Variants in PPP2R3B observed in about 807,000 individuals in gnomAD.
The protein encoded by PPP2R3B is serine/threonine-protein phosphatase 2A regulatory subunit B'' subunit beta.
Under a neutral mutation model 72.9 loss-of-function variants are expected in PPP2R3B, and 68 were observed. The ratio of observed to expected loss-of-function variants is 0.93; its 90% CI spans 0.77 to 1.14. The LOEUF (loss-of-function observed/expected upper bound fraction) is 1.14. Ranked by LOEUF, PPP2R3B falls within the 50% of genes most tolerant of loss-of-function variation. The pLI is 0.00. For synonymous variants in PPP2R3B, 466 were observed against 375.8 expected, an observed-to-expected ratio of 1.24 and a Z score of -2.78; for missense variants, 1,018 against 842.0, an observed-to-expected ratio of 1.21 and a Z score of -2.59.
intron 12 of PPP2R3B, 102 bp downstream of exon 12, chrX:338,502 T>A (rs2070951375): frequency 8.4e-7 from 1 of 1,186,012 alleles, no homozygotes; most frequent in Non-Finnish European, 1.2e-6. Context: ...TGACCCCGCA[T>A]CCCCCGGCTG....
In PPP2R3B at chrX:334,484, CT is replaced by C. The variant is rs1275339592; in HGVS notation, c.1610del (p.Lys537SerfsTer2). Reference protein sequence around the residue: ...FEAELSPVEQKLSALRSPLAQ... With the variant: ...FEAELSPVEQXLSALRSPLAQ... The stretch of plus-strand genomic sequence containing the variant: ...CCAGCGGGGAGCGCAGCGCACTCAG[CT>C]TCTGCTCCACAGGGCTGAGCTCGGC... On this transcript the variant is annotated frameshift_variant, in exon 13 of 13. Transcript: ENST00000390665. LOFTEE classifies it high-confidence loss of function. 6.3e-7 allele frequency: 1 copy of C among 1,585,356 alleles called. No homozygotes were observed. Among genetic ancestry groups the C allele is most frequent in the Non-Finnish European group, 8.5e-7 (1 of 1,173,014 alleles).
rs1133535 is a variant in PPP2R3B, at chrX:334,334, A to G, written c.*33T>C. ...GGTGGCCCGGTGGTGGCACGTGGGG[A>G]GCGGCCCCGCGGCGGCGTTCTCGCG... On this transcript the variant is annotated 3_prime_UTR_variant, in exon 13 of 13. Transcript: ENST00000390665. The G allele has an allele frequency of 0.42, 609,444 of 1,448,476 alleles. 132,052 individuals are homozygous for G. The highest frequency in any genetic ancestry group is 0.68 in the African/African-American group (46,008 of 67,484). The allele number at this position is 1,448,476 out of a possible 1,614,324, so 89.7% of individuals were successfully genotyped here.
chrX:336,488 G>C (rs180690192), intron 12 of PPP2R3B: 1 of 152,268 alleles, frequency 6.6e-6, no homozygotes, highest in African/African-American at 2.4e-5. Flanking sequence ...CTCACTCAAG[G>C]CTGGCCGTGG....
intron 8 of PPP2R3B, chrX:341,650 C>T: frequency 1.5e-6 from 1 of 649,070 alleles, no homozygotes; most frequent in South Asian, 1.9e-5. Context: ...CCGACAAGAA[C>T]CCCCGACCTG....
At chrX:378,815 T>G (rs1465708906) in intron 1 of PPP2R3B, among the ~76,000 whole-genome samples, 1 of 152,162 alleles carries the variant, frequency 6.6e-6, no homozygotes, top group Admixed American at 6.5e-5. Flanking sequence ...AAAACGTGAA[T>G]AGGTCGTTGT....
intron 1 of PPP2R3B, among the ~76,000 whole-genome samples, chrX:376,082 T>C (rs2071986030): frequency 6.6e-6 from 1 of 152,044 alleles, no homozygotes; most frequent in East Asian, 1.9e-4. Context: ...TCCCAGCTAC[T>C]TGGGAGGCTG....
At chrX:337,751 A>C (rs2070929765) in intron 12 of PPP2R3B, 1 of 152,312 alleles carries the variant, frequency 6.6e-6, no homozygotes, top group Non-Finnish European at 1.5e-5. Flanking sequence ...CAGCAGTGGG[A>C]CGGAGGAAGG....
rs2072089583 is a variant in PPP2R3B, at chrX:380,047, G to A, written c.324+6321C>T. ...CAATATACGGTGCTGGGGTCATCCA[G>A]ATACCTCACCTCATACCACGCAGAA... On this transcript the variant is annotated intron_variant, in intron 1 of 12. Coordinates refer to ENST00000390665, the MANE Select transcript of PPP2R3B (RefSeq NM_013239.5). Among the ~76,000 whole-genome samples the A allele has an allele frequency of 2.0e-5, 3 of 152,290 alleles. No individual in the cohort carries two copies. In the South Asian group the frequency reaches 6.2e-4, roughly 32 times the overall value.
chrX:359,930 G>A, intron 2 of PPP2R3B: 1 of 437,406 alleles, frequency 2.3e-6, no homozygotes, highest in Non-Finnish European at 4.4e-6. Context: ...TAACCATGGA[G>A]GTTTTTACAT....
chrX:353,747 G>A (rs1356360827), intron 2 of PPP2R3B, among the ~76,000 whole-genome samples: 1 of 151,902 alleles, frequency 6.6e-6, no homozygotes, highest in Non-Finnish European at 1.5e-5. Flanking sequence ...CGGGGGCTGG[G>A]GGCTCACCCA....
intron 5 of PPP2R3B, 88 bp from the exon 6 acceptor site, chrX:346,348 G>A (rs2071212681): frequency 5.2e-6 from 7 of 1,350,142 alleles, no homozygotes; most frequent in South Asian, 2.5e-5. Context: ...AGAGGGGCGC[G>A]CCCTTGGTCT....
Position 341,926 on chromosome X carries a change from A to G in PPP2R3B, c.1042T>C (p.Ser348Pro). ...AAGATCCTGTCTATCATCTTGGTAGAAAGGGCTGGAAAGGAATGCGGTTGA... is the reference window on the plus strand; with the variant it reads ...AAGATCCTGTCTATCATCTTGGTAGGAAGGGCTGGAAAGGAATGCGGTTGA... ...DLARHNDHAL[S>P]TKMIDRIFSG... The change falls in exon 8 of 13, where the codon TCT becomes CCT. Residue 348 changes from serine (S) to proline (P), a missense_variant. Coordinates refer to ENST00000390665, the MANE Select transcript of PPP2R3B (RefSeq NM_013239.5). The G allele has an allele frequency of 6.2e-7, 1 of 1,612,678 alleles. No homozygotes were observed. Among genetic ancestry groups the G allele is most frequent in the Non-Finnish European group, 8.5e-7 (1 of 1,179,758 alleles).
At chrX:353,036 T>C (rs2738339) in intron 2 of PPP2R3B, among the ~76,000 whole-genome samples, 29,692 of 151,570 alleles carry the variant, frequency 0.2, 3,420 homozygotes, top group Admixed American at 0.3. Flanking sequence ...GCCCCCTTGC[T>C]GGTCTCGTAA....
chrX:345,779 G>A (rs1603051827), intron 6 of PPP2R3B, 107 bp from the exon 7 acceptor site: 2 of 1,178,904 alleles, frequency 1.7e-6, no homozygotes, highest in Admixed American at 2.2e-5. Context: ...GGGCCGCTCC[G>A]TGGGTGGGGG....
intron 10 of PPP2R3B, among the ~76,000 whole-genome samples, chrX:339,157 G>A (rs1166647570): frequency 6.6e-6 from 1 of 151,454 alleles, no homozygotes. Flanking sequence ...AGCGCAGGGA[G>A]GCGCGGCCAG....
Position 350,387 on chromosome X carries a change from C to T in PPP2R3B, c.511-2694G>A, listed in dbSNP as rs141944133. Among the ~76,000 whole-genome samples the T allele has an allele frequency of 8.2e-3, 1,251 of 152,338 alleles. 7 individuals carry two copies. Among genetic ancestry groups the T allele is most frequent in the Non-Finnish European group, 0.014 (921 of 68,018 alleles). On this transcript the variant is annotated intron_variant, in intron 2 of 12. Transcript: ENST00000390665. ...CCTGAAGGAAGGGAGCACCGCTGCA[C>T]CGCCCCAGCGCAGGACTCAGGGTCA... is the stretch of plus-strand genomic sequence containing the variant.
chrX:359,642 G>A (rs144484737), intron 2 of PPP2R3B, among the ~76,000 whole-genome samples: 2,795 of 152,264 alleles, frequency 0.018, 44 homozygotes, highest in Non-Finnish European at 0.029. Flanking sequence ...CCACACTGCC[G>A]TACAAGACAG....
chrX:355,029 A>G (rs1438261304), intron 2 of PPP2R3B, among the ~76,000 whole-genome samples: 3 of 152,196 alleles, frequency 2.0e-5, no homozygotes, highest in Non-Finnish European at 2.9e-5. Context: ...GTGTACAGAA[A>G]GTCAGGGAGG....
chrX:341,818 TGAG>T (rs2071084906), intron 8 of PPP2R3B, 62 bp downstream of exon 8: 2 of 1,557,708 alleles, frequency 1.3e-6, no homozygotes, highest in East Asian at 4.5e-5. Flanking sequence ...CAGGCAACGA[TGAG>T]GAGAGGGACC....
Sources: gnomAD v4.1 joint callset for allele counts (sites outside exome capture counted in the v4.1 genomes callset) on GRCh38, gnomAD v4.1.1 for gene constraint, MANE v1.5 for transcripts, NCBI Gene and HGNC (gene_info 2026-07-23, HGNC 2026-07-21) for gene names.